The following MKLN1 variants were observed in gnomAD, a reference collection of about 807,000 sequenced individuals.
MKLN1 encodes muskelin.
A neutral mutation model predicts 99.0 loss-of-function variants in MKLN1; 18 were observed. The ratio of observed to expected loss-of-function variants is 0.18; its 90% CI spans 0.13 to 0.27. The LOEUF (loss-of-function observed/expected upper bound fraction) is 0.27. Ranked by LOEUF, MKLN1 falls within the 10% of genes least tolerant of loss-of-function variation. The pLI, the probability that MKLN1 is intolerant of heterozygous loss-of-function variation, is 1.00. For missense variants in MKLN1, 621 were observed against 875.9 expected, an observed-to-expected ratio of 0.71 and a Z score of 3.67; for synonymous variants, 288 against 293.2, an observed-to-expected ratio of 0.98 and a Z score of 0.18.
intron 11 of MKLN1, 25 bp from the exon 12 acceptor site, chr7:131,445,749 T>C: frequency 1.3e-6 from 2 of 1,569,266 alleles, no homozygotes; most frequent in Non-Finnish European, 1.7e-6. Context: ...GTTACTCCTT[T>C]CTTTTTTTTT....
At chr7:131,243,685 A>G (rs984625073) in intron 3 of MKLN1, among the ~76,000 whole-genome samples, 14 of 152,310 alleles carry the variant, frequency 9.2e-5, no homozygotes, top group South Asian at 6.2e-4. Flanking sequence ...ATTAACAGGA[A>G]AGAAGACGCT....
rs191280923 is a variant in MKLN1 at position 131,206,758 on chromosome 7, G to A, written c.-179+3784G>A. ...TTTTTTAGAGATGGGGTCTTGCTAT[G>A]TTTTCCCGGCTGGTCTCAAACTCCT... is the stretch of plus-strand genomic sequence containing the variant. On this transcript the variant is annotated intron_variant, in intron 3 of 7. Transcript: ENST00000416992. Among the ~76,000 whole-genome samples, 15 of 152,034 alleles carry A rather than the reference G, an allele frequency of 9.9e-5. 1 individual carries two copies. The highest frequency in any genetic ancestry group is 3.4e-3 in the Middle Eastern group (1 of 294).
At chr7:131,458,716 T>C (rs947661653) in intron 12 of MKLN1, among the ~76,000 whole-genome samples, 1 of 152,044 alleles carries the variant, frequency 6.6e-6, no homozygotes, top group Non-Finnish European at 1.5e-5. Context: ...TATATACATA[T>C]ATATATATAT....
intron 1 of MKLN1, among the ~76,000 whole-genome samples, chr7:131,331,753 C>T (rs938373889): frequency 6.6e-5 from 10 of 152,104 alleles, no homozygotes; most frequent in Non-Finnish European, 1.5e-4. Flanking sequence ...TACAGATAAG[C>T]GCTCTAAGGT....
intron 3 of MKLN1, among the ~76,000 whole-genome samples, chr7:131,289,418 G>T (rs1366050280): frequency 6.6e-6 from 1 of 152,142 alleles, no homozygotes; most frequent in African/African-American, 2.4e-5. Flanking sequence ...TTGAGGCCAG[G>T]AGTTTGAGAC....
At chr7:131,202,614 G>A (rs990810588) in intron 2 of MKLN1, among the ~76,000 whole-genome samples, 3 of 152,118 alleles carry the variant, frequency 2.0e-5, no homozygotes, top group Non-Finnish European at 4.4e-5. Context: ...ATGTTCAACA[G>A]CAGCACTTGC....
At position 131,317,765 on chromosome 7, in the gene MKLN1, CAA is replaced by C. The variant is rs146525048; in HGVS notation, c.-178-57639_-178-57638del. The stretch of plus-strand genomic sequence containing the variant: ...AATAAAGGGACGAGCAAATGGAAAG[CAA>C]AAAAAAAAAAAAAAAAAAAGCAGGG... On this transcript the variant is annotated intron_variant, in intron 3 of 7. Coordinates refer to the MKLN1 transcript ENST00000416992. 7.7e-3 allele frequency among the ~76,000 whole-genome samples: 387 copies of C among 49,992 alleles called. 2 individuals are homozygous for C. Among genetic ancestry groups the C allele is most frequent in the African/African-American group, 0.021 (302 of 14,330 alleles). The allele number at this position is 49,992 out of a possible 152,430, so 32.8% of individuals were successfully genotyped here. A position where few individuals can be genotyped will look rare whatever the true frequency, so the allele number is the denominator to read the frequency against.
intron 1 of MKLN1, among the ~76,000 whole-genome samples, chr7:131,328,652 T>G (rs1324365011): frequency 1.3e-5 from 2 of 152,126 alleles, no homozygotes; most frequent in African/African-American, 4.8e-5. Context: ...CCGAAGAATT[T>G]CAGTATTACG....
intron 3 of MKLN1, among the ~76,000 whole-genome samples, chr7:131,297,924 A>C (rs757777260): frequency 3.5e-4 from 53 of 152,144 alleles, no homozygotes; most frequent in Non-Finnish European, 6.9e-4. Context: ...TGTAATAGGA[A>C]ATTTTCTTTC....
At chr7:131,152,160 A>C (rs1211768999) in intron 2 of MKLN1, among the ~76,000 whole-genome samples, 1 of 152,074 alleles carries the variant, frequency 6.6e-6, no homozygotes, top group East Asian at 1.9e-4. Context: ...TTGCCTCTAC[A>C]AAAAATTAAA....
intron 2 of MKLN1, among the ~76,000 whole-genome samples, chr7:131,147,217 A>ATTTTTTTTTTTTTTT (rs71168371): frequency 2.2e-5 from 3 of 136,334 alleles, no homozygotes; most frequent in Admixed American, 7.6e-5. Context: ...ACACCCAGCT[A>ATTTTTTTTTTTTTTT]TTTTTTTTTT....
At chr7:131,221,502 CT>C (rs71174930) in intron 3 of MKLN1, among the ~76,000 whole-genome samples, 50,354 of 123,826 alleles carry the variant, frequency 0.41, 10,991 homozygotes, top group Non-Finnish European at 0.51. Flanking sequence ...GATCATGCCA[CT>C]TTTTTTTTTT....
At chr7:131,396,518 C>T (rs1196336601) in intron 4 of MKLN1, among the ~76,000 whole-genome samples, 1 of 151,968 alleles carries the variant, frequency 6.6e-6, no homozygotes, top group Non-Finnish European at 1.5e-5. Flanking sequence ...CTTGTTCTGA[C>T]TTGAGTGGGA....
At chr7:131,376,563 AC>A (rs1322928366) in intron 2 of MKLN1, among the ~76,000 whole-genome samples, 1 of 150,366 alleles carries the variant, frequency 6.7e-6, no homozygotes, top group African/African-American at 2.4e-5. Flanking sequence ...AATCGTTTGA[AC>A]CCAGGAGGCA....
chr7:131,350,253 G>A (rs1053584900), intron 1 of MKLN1, among the ~76,000 whole-genome samples: 87 of 149,754 alleles, frequency 5.8e-4, no homozygotes, highest in African/African-American at 2.1e-3. Context: ...TAGAGTTGGG[G>A]TCTCGCTATG....
intron 17 of MKLN1, among the ~76,000 whole-genome samples, chr7:131,486,344 A>G (rs1231173857): frequency 1.3e-5 from 2 of 151,992 alleles, no homozygotes; most frequent in East Asian, 1.9e-4. Flanking sequence ...ATTTCTTTCC[A>G]TTCATTTCCA....
intron 3 of MKLN1, among the ~76,000 whole-genome samples, chr7:131,221,328 G>C (rs1455871687): frequency 3.9e-5 from 6 of 152,162 alleles, no homozygotes; most frequent in Admixed American, 1.3e-4. Context: ...AAGCAGAGTA[G>C]AGCAGAGGTG....
rs147123486 is a variant in MKLN1 at position 131,207,490 on chromosome 7, G to A, written c.-179+4516G>A. On this transcript the variant is annotated intron_variant, in intron 3 of 7. Transcript: ENST00000416992. ...TGGGATTACAGGCATGAGCCACCGCGCTGGACTATGTGTGTTATTTATGGG... is the reference window on the plus strand; with the variant it reads ...TGGGATTACAGGCATGAGCCACCGCACTGGACTATGTGTGTTATTTATGGG... 5.3e-3 allele frequency among the ~76,000 whole-genome samples: 804 copies of A among 152,308 alleles called. 5 individuals are homozygous for A. Among genetic ancestry groups the A allele is most frequent in the Non-Finnish European group, 9.4e-3 (640 of 68,026 alleles).
At chr7:131,226,504 C>T (rs1050563738) in intron 3 of MKLN1, among the ~76,000 whole-genome samples, 2 of 152,182 alleles carry the variant, frequency 1.3e-5, no homozygotes, top group Non-Finnish European at 2.9e-5. Context: ...GATCCAGTTC[C>T]CATCCTAGCA....
Sources: gnomAD v4.1 joint callset for allele counts (sites outside exome capture counted in the v4.1 genomes callset) on GRCh38, gnomAD v4.1.1 for gene constraint, MANE v1.5 for transcripts, NCBI Gene and HGNC (gene_info 2026-07-23, HGNC 2026-07-21) for gene names.